The following CCDC66 variants were observed in gnomAD, a reference collection of about 807,000 sequenced individuals.
CCDC66 encodes coiled-coil domain containing 66.
CCDC66 carries 133 observed loss-of-function variants against 128.3 expected under a neutral mutation model. The observed-to-expected ratio is 1.04, with a 90% CI of 0.90 to 1.20. The LOEUF is 1.20. Among genes scored for constraint, CCDC66 ranks in the 50% most tolerant of loss-of-function variants. CCDC66 has a pLI of 0.00. For synonymous variants in CCDC66, 387 were observed against 357.0 expected, an observed-to-expected ratio of 1.08 and a Z score of -0.95; for missense variants, 1,126 against 1,075.5, an observed-to-expected ratio of 1.05 and a Z score of -0.66.
intron 6 of CCDC66, among the ~76,000 whole-genome samples, chr3:56,568,415 G>A (rs1577306503): frequency 1.3e-5 from 2 of 152,258 alleles, no homozygotes; most frequent in South Asian, 4.1e-4. Flanking sequence ...ATATCTTTTA[G>A]TATGATATTA....
chr3:56,619,927 T>G, intron 17 of CCDC66, 26 bp downstream of exon 17: 1 of 1,606,894 alleles, frequency 6.2e-7, no homozygotes, highest in Non-Finnish European at 8.5e-7. Context: ...AGTGTAGATA[T>G]GTCTGTTCTT....
chr3:56,571,411 C>G (rs2066595213), intron 7 of CCDC66, 109 bp downstream of exon 7: 2 of 710,992 alleles, frequency 2.8e-6, no homozygotes, highest in South Asian at 1.9e-5. Context: ...GACGGAGTTT[C>G]TCTCTTGTTG....
chr3:56,614,992 T>G, intron 11 of CCDC66, 136 bp from the exon 12 acceptor site: 2 of 683,316 alleles, frequency 2.9e-6, no homozygotes, highest in Non-Finnish European at 4.6e-6. Flanking sequence ...GAACTTTGCC[T>G]TGTTGACTGT....
intron 7 of CCDC66, among the ~76,000 whole-genome samples, chr3:56,575,024 G>C (rs1280736589): frequency 6.6e-6 from 1 of 151,816 alleles, no homozygotes. Flanking sequence ...TAATCTTTTT[G>C]AGTTCCTGCT....
chr3:56,564,973 G>A (rs1196613033), intron 4 of CCDC66, among the ~76,000 whole-genome samples: 2 of 152,160 alleles, frequency 1.3e-5, no homozygotes, highest in African/African-American at 4.8e-5. Context: ...TAGGCATAAC[G>A]AGAAATCATA....
In CCDC66 at chr3:56,611,157, G is replaced by A. The variant is rs1019331816; in HGVS notation, c.1405-2432G>A. Among the ~76,000 whole-genome samples, 5 of 152,172 alleles carry A rather than the reference G, an allele frequency of 3.3e-5. No individual in the cohort carries two copies. The South Asian group carries it at 1.0e-3, about 32-fold the overall frequency. ...CAAGATTATATGTCTTTTGTCTTCC[G>A]ATACCAGGGTGGATAGAGAAGGACC... On this transcript the variant is annotated intron_variant, in intron 10 of 17. Coordinates refer to ENST00000394672, the MANE Select transcript of CCDC66 (RefSeq NM_001141947.3).
intron 12 of CCDC66, 114 bp downstream of exon 12, chr3:56,615,386 A>C (rs2075364178): frequency 9.8e-7 from 1 of 1,021,090 alleles, no homozygotes; most frequent in Non-Finnish European, 1.4e-6. Context: ...GCTAGAGTGC[A>C]GTGGTGCCAT....
In CCDC66 at chr3:56,613,758, C is replaced by A; in HGVS notation, c.1566+8C>A. On this transcript the variant is annotated splice_region_variant and intron_variant, in intron 11 of 17. Transcript: ENST00000394672. ...AAGCAAAAACAAAAGGAAGTAGGTA[C>A]TTACATTCTAATTGTAACTTTGGTT... 1.9e-6 allele frequency: 3 copies of A among 1,598,056 alleles called. No individual in the cohort carries two copies. The highest frequency in any genetic ancestry group is 2.6e-6 in the Non-Finnish European group (3 of 1,172,350).
At chr3:56,580,941 T>C (rs1023182620) in intron 7 of CCDC66, among the ~76,000 whole-genome samples, 8 of 151,866 alleles carry the variant, frequency 5.3e-5, no homozygotes, top group African/African-American at 1.9e-4. Flanking sequence ...ATTTCCTGAA[T>C]TTGAATGTTG....
At chr3:56,592,912 A>G (rs1307021975) in intron 7 of CCDC66, 58 bp from the exon 8 acceptor site, 2 of 1,576,022 alleles carry the variant, frequency 1.3e-6, no homozygotes, top group East Asian at 2.3e-5. Context: ...ATTTGCACAT[A>G]TTAAGTGATT....
intron 9 of CCDC66, 94 bp from the exon 10 acceptor site, chr3:56,593,849 GA>G: frequency 6.3e-7 from 1 of 1,579,474 alleles, no homozygotes; most frequent in Middle Eastern, 1.7e-4. Flanking sequence ...CTTTGAAATA[GA>G]AATAATTAGT....
intron 7 of CCDC66, among the ~76,000 whole-genome samples, chr3:56,581,711 C>T (rs914555932): frequency 2.0e-5 from 3 of 151,808 alleles, no homozygotes; most frequent in South Asian, 2.1e-4. Context: ...GTATCACCAG[C>T]GGAGGCTTCA....
At chr3:56,618,629 A>G in intron 15 of CCDC66, 1 of 165,144 alleles carries the variant, frequency 6.1e-6, no homozygotes, top group East Asian at 1.7e-4. Flanking sequence ...TGCATGAACC[A>G]GCTGGTTTAG....
At chr3:56,605,620 G>A (rs1423148767) in intron 10 of CCDC66, among the ~76,000 whole-genome samples, 1 of 152,046 alleles carries the variant, frequency 6.6e-6, no homozygotes, top group Admixed American at 6.5e-5. Flanking sequence ...AGCAAAGATT[G>A]CTGCTTGTTC....
intron 17 of CCDC66, chr3:56,621,030 G>C (rs2076463485): frequency 6.6e-6 from 1 of 152,214 alleles, no homozygotes. Context: ...CAGGCGTGGT[G>C]GTGGGTGCCT....
chr3:56,587,291 T>C (rs56190096), intron 7 of CCDC66, among the ~76,000 whole-genome samples: 58,352 of 151,766 alleles, frequency 0.38, 13,975 homozygotes, highest in Non-Finnish European at 0.54. Flanking sequence ...TAGAATGTTA[T>C]AGTGGATTTT....
In CCDC66 at chr3:56,566,753, T is replaced by A. The variant is rs770416445; in HGVS notation, c.704T>A (p.Ile235Asn). Residue 235 changes from isoleucine to asparagine, a missense_variant, in exon 5 of 18, where the codon ATT becomes AAT. By Grantham distance (149) the Ile-to-Asn change is moderately radical. Coordinates refer to ENST00000394672, the MANE Select transcript of CCDC66 (RefSeq NM_001141947.3). ...QETSKQCEQK[I>N]AIENEWKPAD... Reference sequence around the variant, plus strand: ...ACATCTAAACAGTGTGAGCAAAAAATTGCCATGTATGTAACTCCTATCTGT... The same window carrying A: ...ACATCTAAACAGTGTGAGCAAAAAAATGCCATGTATGTAACTCCTATCTGT... 1 of 1,609,664 alleles carries A rather than the reference T, an allele frequency of 6.2e-7. No homozygotes were observed. The highest frequency in any genetic ancestry group is 8.5e-7 in the Non-Finnish European group (1 of 1,177,828).
chr3:56,577,765 T>C (rs527652159), intron 7 of CCDC66, among the ~76,000 whole-genome samples: 1 of 151,942 alleles, frequency 6.6e-6, no homozygotes, highest in African/African-American at 2.4e-5. Flanking sequence ...TCTGTTCTGT[T>C]CCAGTTGTCT....
At chr3:56,607,605 C>G (rs2074252552) in intron 10 of CCDC66, among the ~76,000 whole-genome samples, 1 of 152,126 alleles carries the variant, frequency 6.6e-6, no homozygotes, top group Non-Finnish European at 1.5e-5. Flanking sequence ...TTGACTTCCT[C>G]TTTACTGATT....
Sources: allele counts gnomAD v4.1 joint callset (sites outside exome capture counted in the v4.1 genomes callset), GRCh38; gene constraint gnomAD v4.1.1; transcripts MANE v1.5; gene names NCBI Gene and HGNC (gene_info 2026-07-23, HGNC 2026-07-21).